Variants in SPECC1 observed in about 807,000 individuals in gnomAD.
SPECC1 encodes the protein cytospin-B.
In SPECC1, 62 loss-of-function variants were observed where a neutral mutation model predicts 104.1. The observed-to-expected ratio is 0.60, with a 90% CI of 0.49 to 0.74. The LOEUF (loss-of-function observed/expected upper bound fraction) is 0.74. Among genes scored for constraint, SPECC1 ranks in the 30% least tolerant of loss-of-function variants. The pLI is 0.00. For synonymous variants in SPECC1, 513 were observed against 501.6 expected, an observed-to-expected ratio of 1.02 and a Z score of -0.30; for missense variants, 1,306 against 1,310.5, an observed-to-expected ratio of 1.00 and a Z score of 0.05.
chr17:20,184,235 A>T (rs2151247000), intron 3 of SPECC1, among the ~76,000 whole-genome samples: 1 of 151,664 alleles, frequency 6.6e-6, no homozygotes, highest in South Asian at 2.1e-4. Context: ...ATTAAAAAGG[A>T]CAAGTGAGAG....
At chr17:20,221,977 A>C (rs1340190248) in intron 4 of SPECC1, among the ~76,000 whole-genome samples, 7 of 144,672 alleles carry the variant, frequency 4.8e-5, no homozygotes, top group Non-Finnish European at 4.5e-5. Context: ...TTCTAGTTTT[A>C]TTCCATGGTG....
At chr17:20,082,172 C>T (rs1343537780) in intron 1 of SPECC1, among the ~76,000 whole-genome samples, 2 of 152,212 alleles carry the variant, frequency 1.3e-5, no homozygotes, top group Non-Finnish European at 2.9e-5. Context: ...GGGTGCTCCT[C>T]TTCTCACCTG....
intron 7 of SPECC1, chr17:20,239,260 T>C: frequency 9.9e-7 from 1 of 1,013,554 alleles, no homozygotes; most frequent in Non-Finnish European, 1.2e-6. Flanking sequence ...TATTTAGGTA[T>C]ACTAATAACA....
At chr17:20,123,402 G>C (rs1452550377) in intron 3 of SPECC1, among the ~76,000 whole-genome samples, 1 of 152,178 alleles carries the variant, frequency 6.6e-6, no homozygotes, top group Non-Finnish European at 1.5e-5. Flanking sequence ...GTCGTGATTG[G>C]CTCACTGCCA....
chr17:20,059,878 CAAA>C (rs2046119479), intron 1 of SPECC1, among the ~76,000 whole-genome samples: 1 of 152,078 alleles, frequency 6.6e-6, no homozygotes, highest in Non-Finnish European at 1.5e-5. Context: ...CAAAACAAAA[CAAA>C]GCAAAACAAA....
chr17:20,262,455 A>G (rs530567372), intron 12 of SPECC1, among the ~76,000 whole-genome samples: 35 of 152,202 alleles, frequency 2.3e-4, no homozygotes, highest in African/African-American at 8.4e-4. Context: ...TCACATCAAC[A>G]CTTGGTATTG....
intron 13 of SPECC1, among the ~76,000 whole-genome samples, chr17:20,303,573 G>A (rs1038125701): frequency 1.3e-5 from 2 of 152,204 alleles, no homozygotes; most frequent in African/African-American, 4.8e-5. Flanking sequence ...GGTAGAGAGT[G>A]AGAGCCGTGG....
chr17:20,117,654 C>T (rs189103946), intron 3 of SPECC1, among the ~76,000 whole-genome samples: 3 of 142,866 alleles, frequency 2.1e-5, no homozygotes, highest in South Asian at 2.3e-4. Flanking sequence ...TAGCTGGGTG[C>T]GTGCCTGTAG....
chr17:20,137,892 C>T (rs2030218910), intron 3 of SPECC1, among the ~76,000 whole-genome samples: 3 of 152,008 alleles, frequency 2.0e-5, no homozygotes, highest in African/African-American at 7.3e-5. Flanking sequence ...GTCTCGAACT[C>T]CTGACCTCAA....
chr17:20,271,215 A>AT lies in SPECC1; in HGVS notation c.2940+10931dup, dbSNP rs576623670. On this transcript the variant is annotated intron_variant, in intron 12 of 14. Transcript: ENST00000395527. Reference sequence around the variant, plus strand: ...CAAGCATTTTCAAGTCACCTTGCTGATTTTTTTTTTGTCATTTACCTCTAC... The same window carrying AT: ...CAAGCATTTTCAAGTCACCTTGCTGATTTTTTTTTTTGTCATTTACCTCTAC... 8.4e-3 allele frequency among the ~76,000 whole-genome samples: 1,241 copies of AT among 148,454 alleles called. 17 individuals carry two copies. Among genetic ancestry groups the AT allele is most frequent in the African/African-American group, 0.028 (1,138 of 40,532 alleles).
chr17:20,191,245 G>C (rs1427861612), intron 3 of SPECC1, among the ~76,000 whole-genome samples: 2 of 152,126 alleles, frequency 1.3e-5, no homozygotes, highest in Non-Finnish European at 2.9e-5. Context: ...TAAATACCAA[G>C]GAGTGCTATT....
At chr17:20,082,288 T>C (rs1382191016) in intron 1 of SPECC1, among the ~76,000 whole-genome samples, 2 of 152,168 alleles carry the variant, frequency 1.3e-5, no homozygotes, top group Non-Finnish European at 2.9e-5. Context: ...CTGTAGGTCT[T>C]AAACAAAAGA....
At chr17:20,136,376 G>A (rs111407935) in intron 3 of SPECC1, among the ~76,000 whole-genome samples, 2,338 of 149,396 alleles carry the variant, frequency 0.016, 33 homozygotes, top group Non-Finnish European at 0.023. Context: ...AGTTAGCCAA[G>A]ATCACGCCAC....
intron 7 of SPECC1, chr17:20,238,241 G>A (rs2151507331): frequency 3.8e-6 from 4 of 1,040,074 alleles, no homozygotes; most frequent in African/African-American, 1.7e-5. Context: ...AATGGAAAAC[G>A]ATTGAATGAC....
chr17:20,237,009 G>C, intron 7 of SPECC1: 2 of 1,561,802 alleles, frequency 1.3e-6, no homozygotes, highest in African/African-American at 1.4e-5. Context: ...TTGTCTCCTT[G>C]TGACATTCTC....
chr17:20,172,942 C>T (rs1462730625), intron 3 of SPECC1, among the ~76,000 whole-genome samples: 1 of 152,156 alleles, frequency 6.6e-6, no homozygotes, highest in African/African-American at 2.4e-5. Context: ...AGAGAAAAGG[C>T]ACTCTAGGTG....
chr17:20,288,568 A>G (rs2041040905), intron 12 of SPECC1, among the ~76,000 whole-genome samples: 1 of 152,210 alleles, frequency 6.6e-6, no homozygotes, highest in Admixed American at 6.5e-5. Context: ...GCGATTATTA[A>G]AAAGTCAAGA....
chr17:20,119,101 T>C (rs1156776916), intron 3 of SPECC1, among the ~76,000 whole-genome samples: 1 of 152,248 alleles, frequency 6.6e-6, no homozygotes, highest in Non-Finnish European at 1.5e-5. Flanking sequence ...ATATAGACTG[T>C]AATGAAAAGT....
intron 1 of SPECC1, among the ~76,000 whole-genome samples, chr17:20,087,486 T>C (rs2047221473): frequency 6.6e-6 from 1 of 152,162 alleles, no homozygotes; most frequent in South Asian, 2.1e-4. Context: ...AGGATTGTCA[T>C]TGCCTTCCAG....
Sources: gnomAD v4.1 joint callset for allele counts (sites outside exome capture counted in the v4.1 genomes callset) on GRCh38, gnomAD v4.1.1 for gene constraint, MANE v1.5 for transcripts, NCBI Gene and HGNC (gene_info 2026-07-23, HGNC 2026-07-21) for gene names.